The following TTC39A variants were observed in gnomAD, a reference collection of about 807,000 sequenced individuals.
TTC39A encodes the protein tetratricopeptide repeat domain 39A.
A neutral mutation model predicts 82.3 loss-of-function variants in TTC39A; 46 were observed. The observed-to-expected ratio is 0.56, with a 90% CI of 0.44 to 0.71. The LOEUF (loss-of-function observed/expected upper bound fraction) is 0.71. TTC39A is among the 30% of genes least tolerant of loss of function. TTC39A has a pLI of 0.00. For missense variants in TTC39A, 543 were observed against 712.9 expected, an observed-to-expected ratio of 0.76 and a Z score of 2.71; for synonymous variants, 254 against 275.2, an observed-to-expected ratio of 0.92 and a Z score of 0.76.
chr1:51,325,374 G>A (rs536211264), intron 1 of TTC39A, among the ~76,000 whole-genome samples: 3 of 152,144 alleles, frequency 2.0e-5, no homozygotes, highest in Non-Finnish European at 4.4e-5. Context: ...CACCTGATGT[G>A]GTCCCTGCCC....
At chr1:51,340,748 G>A (rs978730328) in intron 1 of TTC39A, among the ~76,000 whole-genome samples, 1 of 152,166 alleles carries the variant, frequency 6.6e-6, no homozygotes, top group Admixed American at 6.5e-5. Context: ...TAACTCATCC[G>A]ATCCTCACAA....
At chr1:51,332,641 C>A (rs1241212238), upstream of TTC39A, among the ~76,000 whole-genome samples, 1 of 152,228 alleles carries the variant, frequency 6.6e-6, no homozygotes, top group African/African-American at 2.4e-5. Context: ...CGGACACAGG[C>A]ATTCTACTGA....
At position 51,288,968 on chromosome 1, in the gene TTC39A, G is replaced by A; in HGVS notation, c.1494-13C>T. On this transcript the variant is annotated splice_polypyrimidine_tract_variant and intron_variant, in intron 16 of 17. Transcript: ENST00000680483. The surrounding 1 kb of genome is among the most constrained non-coding windows in gnomAD (Gnocchi z 4.8). ...AATCTTCTTTTCACTGCAGAACAGA[G>A]GACATGGCTCAGGTTCCTCCTCCTG... is the stretch of plus-strand genomic sequence containing the variant. 6.3e-7 allele frequency: 1 copy of A among 1,576,982 alleles called. No homozygotes were observed. The highest frequency in any genetic ancestry group is 8.6e-7 in the Non-Finnish European group (1 of 1,159,570).
chr1:51,311,018 G>A (rs1243113188), intron 5 of TTC39A, among the ~76,000 whole-genome samples: 3 of 152,214 alleles, frequency 2.0e-5, no homozygotes, highest in Non-Finnish European at 4.4e-5. Context: ...AGTGGAAACA[G>A]CATCCCGGTA....
intron 1 of TTC39A, among the ~76,000 whole-genome samples, chr1:51,337,615 CTGGATTTCACCATGT>C (rs953194417): frequency 3.3e-4 from 50 of 151,954 alleles, no homozygotes; most frequent in Non-Finnish European, 6.0e-4. Flanking sequence ...TTAGTAGAGA[CTGGATTTCACCATGT>C]TGGCCAGGCT....
chr1:51,294,642 GA>G lies in TTC39A; in HGVS notation c.1146-132del. ...CCCCATCTGCACAATGACAGTGTTA[GA>G]CTCTAAAGAGCCTTCTAGGTCTGAA... On this transcript the variant is annotated intron_variant, in intron 13 of 17. Transcript: ENST00000680483. The surrounding 1 kb of genome is among the most constrained non-coding windows in gnomAD (Gnocchi z 4.3). The G allele has an allele frequency of 7.3e-7, 1 of 1,367,170 alleles. No homozygotes were observed. The highest frequency in any genetic ancestry group is 9.9e-7 in the Non-Finnish European group (1 of 1,009,160). 84.7% of individuals were successfully genotyped at this position (1,367,170 alleles called of 1,614,324 possible).
rs770650484 is a variant in TTC39A at position 51,309,418 on chromosome 1, C to T, written c.424-93G>A. The T allele has an allele frequency of 1.2e-5, 19 of 1,595,032 alleles. No homozygotes were observed. The East Asian group carries it at 1.6e-4, about 13-fold the overall frequency. On this transcript the variant is annotated intron_variant, in intron 5 of 17. Coordinates refer to ENST00000680483, the MANE Select transcript of TTC39A (RefSeq NM_001297663.2). The stretch of plus-strand genomic sequence containing the variant: ...AAGGCTCTGGGCCTGACTGCCCCTC[C>T]GTGTGAGGAACCCTGGGGGGATGAG...
chr1:51,321,918 C>CG lies in TTC39A; in HGVS notation c.42-94_42-93insC. The CG allele has an allele frequency of 7.2e-7, 1 of 1,388,268 alleles. No homozygotes were observed. The highest frequency in any genetic ancestry group is 1.0e-6 in the Non-Finnish European group (1 of 1,004,912). The allele number at this position is 1,388,268 out of a possible 1,614,324, so 86.0% of individuals were successfully genotyped here. On this transcript the variant is annotated intron_variant, in intron 1 of 17. Transcript: ENST00000680483. The surrounding 1 kb of genome is among the most constrained non-coding windows in gnomAD (Gnocchi z 4.6). The stretch of plus-strand genomic sequence containing the variant: ...GAGCCTCACAGGGTCTACTCAGCCT[C>CG]CCTGGCCAGCCTTGGGTGCCTGTCA...
chr1:51,341,412 C>T (rs1392593803), intron 1 of TTC39A, among the ~76,000 whole-genome samples: 1 of 152,112 alleles, frequency 6.6e-6, no homozygotes, highest in Non-Finnish European at 1.5e-5. Context: ...GCAACTCAAC[C>T]TCAGATCACA....
At chr1:51,331,002 C>A (rs777189747), upstream of TTC39A, 6 of 695,300 alleles carry the variant, frequency 8.6e-6, no homozygotes, top group South Asian at 1.6e-5. Flanking sequence ...CACTGAGTGA[C>A]TGCAGGAGAC....
chr1:51,322,581 T>C (rs1378463989), intron 1 of TTC39A, among the ~76,000 whole-genome samples: 1 of 104,810 alleles, frequency 9.5e-6, no homozygotes, highest in Non-Finnish European at 2.0e-5. Context: ...GGTAAATGAA[T>C]GAATGAATGA....
At position 51,288,575 on chromosome 1, in the gene TTC39A, C is replaced by T. The variant is rs551163321; in HGVS notation, c.1610+264G>A. On this transcript the variant is annotated intron_variant, in intron 17 of 17. Transcript: ENST00000680483. The surrounding 1 kb of genome is among the most constrained non-coding windows in gnomAD (Gnocchi z 4.8). ...AAGGCAGGAGGCATGGGTCCTCACA[C>T]AGCCATGCAGTTGGCTTCTGATGTG... Among the ~76,000 whole-genome samples the T allele has an allele frequency of 1.3e-5, 2 of 152,334 alleles. No individual in the cohort carries two copies. The highest frequency in any genetic ancestry group is 2.1e-4 in the South Asian group (1 of 4,830).
Position 51,321,999 on chromosome 1 carries a change from C to T in TTC39A, c.42-174G>A. The T allele has an allele frequency of 7.0e-7, 1 of 1,425,330 alleles. No homozygotes were observed. The highest frequency in any genetic ancestry group is 9.5e-7 in the Non-Finnish European group (1 of 1,049,306). 88.3% of individuals were successfully genotyped at this position (1,425,330 alleles called of 1,614,324 possible). On this transcript the variant is annotated intron_variant, in intron 1 of 17. Transcript: ENST00000680483. This position sits in a 1 kb window ranked among gnomAD's most constrained non-coding sequence, Gnocchi z 4.6. Reference sequence around the variant, plus strand: ...GGACGCAGGGACAATTTGGACCCACCTCTTGGTGTTCCCAAGGGTGGGAGG... The same window carrying T: ...GGACGCAGGGACAATTTGGACCCACTTCTTGGTGTTCCCAAGGGTGGGAGG...
Position 51,295,858 on chromosome 1 carries a change from C to A in TTC39A, c.1145+221G>T. On this transcript the variant is annotated intron_variant, in intron 13 of 17. Coordinates refer to ENST00000680483, the MANE Select transcript of TTC39A (RefSeq NM_001297663.2). The stretch of plus-strand genomic sequence containing the variant: ...GCAAAACCATTTCTGTGAAAGAAAG[C>A]CTCTGAAGAAAGTCAAAGGGCTCCA... 11 of 598,034 alleles carry A rather than the reference C, an allele frequency of 1.8e-5. No individual in the cohort carries two copies. In the South Asian group the frequency reaches 2.2e-4, roughly 12 times the overall value. The allele number at this position is 598,034 out of a possible 1,614,324, so 37.0% of individuals were successfully genotyped here.
At chr1:51,333,124 A>G (rs1389329121), upstream of TTC39A, among the ~76,000 whole-genome samples, 2 of 151,570 alleles carry the variant, frequency 1.3e-5, no homozygotes, top group African/African-American at 2.4e-5. Context: ...AGGCAGGAGA[A>G]TCGCTTGAAC....
intron 1 of TTC39A, among the ~76,000 whole-genome samples, chr1:51,340,573 C>A (rs896247508): frequency 6.6e-6 from 1 of 152,182 alleles, no homozygotes; most frequent in South Asian, 2.1e-4. Flanking sequence ...AGTGAGGAGC[C>A]TCTTCTTACT....
chr1:51,296,392 G>C lies in TTC39A; in HGVS notation c.1054-222C>G, dbSNP rs115034666. ...TCTTCTCCACTTGAAGCAGTGGCAAGAAGAACCCATGCAACTAGTAATAGG... is the reference window on the plus strand; with the variant it reads ...TCTTCTCCACTTGAAGCAGTGGCAACAAGAACCCATGCAACTAGTAATAGG... On this transcript the variant is annotated intron_variant, in intron 12 of 17. Transcript: ENST00000680483. Among the ~76,000 whole-genome samples the C allele has an allele frequency of 4.9e-3, 754 of 152,348 alleles. 6 individuals are homozygous for C. The highest frequency in any genetic ancestry group is 0.017 in the African/African-American group (709 of 41,580).
intron 1 of TTC39A, among the ~76,000 whole-genome samples, chr1:51,327,016 G>A (rs1473576319): frequency 6.6e-6 from 1 of 152,230 alleles, no homozygotes. Context: ...AAACGAGAAG[G>A]GAGCTAGAGG....
intron 14 of TTC39A, among the ~76,000 whole-genome samples, chr1:51,291,805 CAAAA>C (rs112294762): frequency 7.8e-6 from 1 of 128,142 alleles, no homozygotes. Flanking sequence ...GATTCTATCT[CAAAA>C]AAAAAAAAAA....
Sources: allele counts gnomAD v4.1 joint callset (sites outside exome capture counted in the v4.1 genomes callset), GRCh38; gene constraint gnomAD v4.1.1; non-coding constraint Gnocchi (gnomAD v3.1); transcripts MANE v1.5; gene names NCBI Gene and HGNC (gene_info 2026-07-23, HGNC 2026-07-21).